Variants in ZNF408 observed in about 807,000 individuals in gnomAD.
The protein encoded by ZNF408 is zinc finger protein 408.
A neutral mutation model predicts 27.6 loss-of-function variants in ZNF408; 24 were observed. The observed-to-expected ratio is 0.87, with a 90% CI of 0.63 to 1.22. The LOEUF (loss-of-function observed/expected upper bound fraction) is 1.22. Among genes scored for constraint, ZNF408 ranks in the 50% most tolerant of loss-of-function variants. The probability of loss-of-function intolerance (pLI) is 0.00; values close to 1 mark genes in which losing one functional copy is unlikely to be tolerated. For synonymous variants in ZNF408, 410 were observed against 396.1 expected, an observed-to-expected ratio of 1.04 and a Z score of -0.42; for missense variants, 897 against 949.0, an observed-to-expected ratio of 0.95 and a Z score of 0.72.
chr11:46,701,045 G>T lies in ZNF408; in HGVS notation c.-3G>T. On this transcript the variant is annotated 5_prime_UTR_variant, in exon 1 of 5. Transcript: ENST00000311764. Reference sequence around the variant, plus strand: ...CCGGCGTAGGGAGGCTTTCTGACCCGGAATGGAGGAGGCGGAGGAGCTGCT... The same window carrying T: ...CCGGCGTAGGGAGGCTTTCTGACCCTGAATGGAGGAGGCGGAGGAGCTGCT... The T allele has an allele frequency of 6.2e-7, 1 of 1,614,130 alleles. No homozygotes were observed. Among genetic ancestry groups the T allele is most frequent in the Non-Finnish European group, 8.5e-7 (1 of 1,179,992 alleles).
At chr11:46,703,348 A>G in intron 4 of ZNF408, 105 bp downstream of exon 4, 1 of 1,388,520 alleles carries the variant, frequency 7.2e-7, no homozygotes, top group Admixed American at 2.6e-5. Flanking sequence ...GAAGGACACT[A>G]TAGAGTCTTA....
In ZNF408 at chr11:46,704,366, G is replaced by A; in HGVS notation, c.666G>A (p.Gln222=). The change falls in exon 5 of 5, where the codon CAG becomes CAA. Residue 222 remains glutamine (Q), a synonymous_variant. Coordinates refer to ENST00000311764, the MANE Select transcript of ZNF408 (RefSeq NM_024741.3). ...AAEPCIDPGS[Q]SPSGIQAENM... is the part of the protein sequence containing the mutation. ...CTTGCCTTGCAGATCCTGGTTCCCA[G>A]TCACCCTCTGGCATCCAGGCAGAGA... is the stretch of plus-strand genomic sequence containing the variant. The A allele has an allele frequency of 6.3e-7, 1 of 1,592,422 alleles. No homozygotes were observed. Among genetic ancestry groups the A allele is most frequent in the Non-Finnish European group, 8.6e-7 (1 of 1,167,758 alleles).
intron 2 of ZNF408, chr11:46,702,023 G>C (rs2064712972): frequency 4.7e-6 from 1 of 211,372 alleles, no homozygotes; most frequent in Admixed American, 5.5e-5. Context: ...TGGCTCTCTT[G>C]GGATTATATG....
Position 46,705,672 on chromosome 11 carries a change from C to A in ZNF408, c.1972C>A (p.Leu658Met). ...GGTGCTCCTGCAGGCTGAGCCACAA[C>A]TGCTGGACACACACAGAGAGGAGGA... The part of the protein sequence containing the change: ...TVVLLQAEPQ[L>M]LDTHREEEVS... The change falls in exon 5 of 5, where the codon CTG becomes ATG. Residue 658 changes from leucine (L) to methionine (M), a missense_variant. By Grantham distance (15) the Leu-to-Met change is conservative. Coordinates refer to ENST00000311764, the MANE Select transcript of ZNF408 (RefSeq NM_024741.3). This position sits in a 1 kb window ranked among gnomAD's most constrained non-coding sequence, Gnocchi z 6.5. 1 of 1,613,850 alleles carries A rather than the reference C, an allele frequency of 6.2e-7. No individual in the cohort carries two copies. Among genetic ancestry groups the A allele is most frequent in the Admixed American group, 1.7e-5 (1 of 60,010 alleles).
rs1367731229 is a variant in ZNF408 at position 46,701,608 on chromosome 11, TG to T, written c.267del (p.Pro90ArgfsTer15). The T allele has an allele frequency of 1.2e-6, 2 of 1,608,950 alleles. No individual in the cohort carries two copies. Among genetic ancestry groups the T allele is most frequent in the Admixed American group, 1.7e-5 (1 of 59,822 alleles). On this transcript the variant is annotated frameshift_variant, in exon 2 of 5. Coordinates refer to ENST00000311764, the MANE Select transcript of ZNF408 (RefSeq NM_024741.3). LOFTEE classifies it high-confidence loss of function. ...VGDPLQPGLLWGPLEEESASK... is the reference protein window; with the variant it reads ...VGDPLQPGLLXGPLEEESASK... ...GGACCCCCTGCAGCCCGGCCTGCTG[TG>T]GGGGCCGCTGGAAGAGGAGTCTGCC...
rs2064745699 is a variant in ZNF408 at position 46,705,533 on chromosome 11, C to T, written c.1833C>T (p.Thr611=). 1 of 1,604,786 alleles carries T rather than the reference C, an allele frequency of 6.2e-7. No homozygotes were observed. The highest frequency in any genetic ancestry group is 1.3e-5 in the African/African-American group (1 of 74,952). Residue 611 remains threonine, a synonymous_variant, in exon 5 of 5, where the codon ACC becomes ACT. Transcript: ENST00000311764. The surrounding 1 kb of genome is among the most constrained non-coding windows in gnomAD (Gnocchi z 6.5). ...AGGACAAGCCCTACCGCTGCCCCAC[C>T]TGTGGCATGGGCTACACCCTCCCGC... ...HLEDKPYRCP[T]CGMGYTLPQS... is the part of the protein sequence containing the mutation.
Position 46,705,348 on chromosome 11 carries a change from GC to G in ZNF408, c.1651del (p.His551ThrfsTer150). 1 of 1,609,818 alleles carries G rather than the reference GC, an allele frequency of 6.2e-7. No individual in the cohort carries two copies. Among genetic ancestry groups the G allele is most frequent in the African/African-American group, 1.3e-5 (1 of 74,760 alleles). On this transcript the variant is annotated frameshift_variant, in exon 5 of 5. Transcript: ENST00000311764. LOFTEE classifies it low-confidence loss of function (END_TRUNC). This position sits in a 1 kb window ranked among gnomAD's most constrained non-coding sequence, Gnocchi z 6.5. ...CCATCTCATCTCACACACCGGGGAG[GC>G]CCACTTGTGCCCGGTGTGTGGCAAG... ...RRHLISHTGE[A>X]HLCPVCGKAL... is the part of the protein sequence containing the mutation.
chr11:46,701,978 C>T lies in ZNF408; in HGVS notation c.330+302C>T, dbSNP rs146336006. ...CTTTGTCACCTAGCTGGTTAAATTA[C>T]GTGCCGCATTTAATTCATCTGTGAA... On this transcript the variant is annotated intron_variant, in intron 2 of 4. Coordinates refer to ENST00000311764, the MANE Select transcript of ZNF408 (RefSeq NM_024741.3). 23 of 283,664 alleles carry T rather than the reference C, an allele frequency of 8.1e-5. 1 individual carries two copies. In the East Asian group the frequency reaches 1.4e-3, roughly 18 times the overall value. The allele number at this position is 283,664 out of a possible 1,614,324, so 17.6% of individuals were successfully genotyped here.
chr11:46,704,694 T>G lies in ZNF408; in HGVS notation c.994T>G (p.Phe332Val), dbSNP rs1277199267. ...TPEPGAQQSG[F>V]PTLSRSPPGP... ...AGAGCCTGGAGCCCAGCAGTCTGGC[T>G]TCCCTACACTCTCGCGGAGCCCTCC... The change falls in exon 5 of 5, where the codon TTC becomes GTC. Residue 332 changes from phenylalanine to valine, a missense_variant. Phe to Val is a conservative substitution (Grantham distance 50). Transcript: ENST00000311764. The G allele has an allele frequency of 1.2e-6, 2 of 1,612,154 alleles. No homozygotes were observed. Among genetic ancestry groups the G allele is most frequent in the Non-Finnish European group, 1.7e-6 (2 of 1,179,188 alleles).
In ZNF408 at chr11:46,704,586, G is replaced by A. The variant is rs1053683092; in HGVS notation, c.886G>A (p.Ala296Thr). ...DGSGASFSSS[A>T]RGTQPHGYLA... ...CAGTGGAGCCAGTTTCTCATCTTCT[G>A]CCAGGGGCACCCAGCCGCATGGCTA... is the stretch of plus-strand genomic sequence containing the variant. The change falls in exon 5 of 5, where the codon GCC becomes ACC. Residue 296 changes from alanine (A) to threonine (T), a missense_variant. By Grantham distance (58) the Ala-to-Thr change is moderately conservative. Coordinates refer to ENST00000311764, the MANE Select transcript of ZNF408 (RefSeq NM_024741.3). 22 of 1,613,606 alleles carry A rather than the reference G, an allele frequency of 1.4e-5. No individual in the cohort carries two copies. In the African/African-American group the frequency reaches 2.4e-4, roughly 18 times the overall value.
At position 46,702,782 on chromosome 11, in the gene ZNF408, T is replaced by A; in HGVS notation, c.392+17T>A. On this transcript the variant is annotated intron_variant, in intron 3 of 4. Coordinates refer to ENST00000311764, the MANE Select transcript of ZNF408 (RefSeq NM_024741.3). Reference sequence around the variant, plus strand: ...CTGGACTAGGTAAGTCAGAGGAGAGTGTGTCGTTCCTTTGAGGTTTTCTGT... The same window carrying A: ...CTGGACTAGGTAAGTCAGAGGAGAGAGTGTCGTTCCTTTGAGGTTTTCTGT... 6.2e-7 allele frequency: 1 copy of A among 1,613,108 alleles called. No individual in the cohort carries two copies. The highest frequency in any genetic ancestry group is 8.5e-7 in the Non-Finnish European group (1 of 1,179,554).
rs2064748387 is a variant in ZNF408, at chr11:46,705,790, G to A, written c.2090G>A (p.Ser697Asn). 1 of 1,611,492 alleles carries A rather than the reference G, an allele frequency of 6.2e-7. No individual in the cohort carries two copies. Among genetic ancestry groups the A allele is most frequent in the Non-Finnish European group, 8.5e-7 (1 of 1,178,974 alleles). ...VVPEEPDAAPSLVLIHKDMGL... is the reference protein window; with the variant it reads ...VVPEEPDAAPNLVLIHKDMGL... ...CCAGAGGAGCCAGATGCCGCCCCCA[G>A]CCTGGTGCTAATCCATAAGGACATG... The change falls in exon 5 of 5, where the codon AGC becomes AAC. Residue 697 changes from serine (S) to asparagine (N), a missense_variant. Coordinates refer to ENST00000311764, the MANE Select transcript of ZNF408 (RefSeq NM_024741.3). The surrounding 1 kb of genome is among the most constrained non-coding windows in gnomAD (Gnocchi z 6.5).
Position 46,701,086 on chromosome 11 carries a change from G to A in ZNF408, c.39G>A (p.Lys13=). 6.2e-7 allele frequency: 1 copy of A among 1,614,170 alleles called. No individual in the cohort carries two copies. Among genetic ancestry groups the A allele is most frequent in the African/African-American group, 1.3e-5 (1 of 75,046 alleles). The change falls in exon 1 of 5, where the codon AAG becomes AAA. Residue 13 remains lysine (K), a synonymous_variant. Transcript: ENST00000311764. ...AGGAGCTGCTCTTGGAGGGGAAGAA[G>A]GCGCTGCAACTCGGTGAGTGACCTG... ...EAEELLLEGK[K]ALQLAREPRL... is the part of the protein sequence containing the mutation.
rs534022710 is a variant in ZNF408 at position 46,704,754 on chromosome 11, C to T, written c.1054C>T (p.Arg352Trp). The T allele has an allele frequency of 1.3e-5, 20 of 1,595,490 alleles. No homozygotes were observed. The highest frequency in any genetic ancestry group is 1.1e-4 in the Admixed American group (6 of 57,038). The stretch of plus-strand genomic sequence containing the variant: ...AGGAAGCTCCCCAAAGCAGGGGCGA[C>T]GGTACCGGTGTGGAGAGTGTGGCAA... ...PAGSSPKQGRRYRCGECGKAF... is the reference protein window; with the variant it reads ...PAGSSPKQGRWYRCGECGKAF... Residue 352 changes from arginine (R) to tryptophan (W), a missense_variant, in exon 5 of 5, where the codon CGG becomes TGG. Physicochemically the swap from Arg to Trp is moderately radical, Grantham distance 101. Coordinates refer to ENST00000311764, the MANE Select transcript of ZNF408 (RefSeq NM_024741.3).
intron 4 of ZNF408, among the ~76,000 whole-genome samples, chr11:46,703,521 A>G (rs1460932787): frequency 1.3e-5 from 2 of 152,192 alleles, no homozygotes; most frequent in African/African-American, 2.4e-5. Context: ...ATGAATTGTC[A>G]TTCATTGCTT....
At position 46,705,546 on chromosome 11, in the gene ZNF408, T is replaced by C. The variant is rs989901119; in HGVS notation, c.1846T>C (p.Tyr616His). ...CCGCTGCCCCACCTGTGGCATGGGC[T>C]ACACCCTCCCGCAGAGCCTCAGGCG... The part of the protein sequence containing the change: ...PYRCPTCGMG[Y>H]TLPQSLRRHQ... Residue 616 changes from tyrosine to histidine, a missense_variant, in exon 5 of 5, where the codon TAC (tyrosine) becomes CAC (histidine). By Grantham distance (83) the Tyr-to-His change is moderately conservative (BLOSUM62 2). Coordinates refer to ENST00000311764, the MANE Select transcript of ZNF408 (RefSeq NM_024741.3). The surrounding 1 kb of genome is among the most constrained non-coding windows in gnomAD (Gnocchi z 6.5). 3 of 1,605,136 alleles carry C rather than the reference T, an allele frequency of 1.9e-6. 1 individual carries two copies. The highest frequency in any genetic ancestry group is 2.2e-5 in the South Asian group (2 of 91,080).
At position 46,702,857 on chromosome 11, in the gene ZNF408, T is replaced by G. The variant is rs370830401; in HGVS notation, c.392+92T>G. ...CTGACTGTCATTTCCTATTCAGTGC[T>G]CTTTTGCAGTGAATGTTCCAAAGGC... On this transcript the variant is annotated intron_variant, in intron 3 of 4. Transcript: ENST00000311764. The G allele has an allele frequency of 5.0e-6, 8 of 1,591,346 alleles. No homozygotes were observed. In the African/African-American group the frequency reaches 8.1e-5, roughly 16 times the overall value.
At chr11:46,704,071 A>G (rs746809759) in intron 4 of ZNF408, among the ~76,000 whole-genome samples, 2 of 152,060 alleles carry the variant, frequency 1.3e-5, no homozygotes, top group Admixed American at 6.5e-5. Context: ...ATGTGTCTCC[A>G]GGGGCGAACA....
At position 46,703,743 on chromosome 11, in the gene ZNF408, TTTGTTG is replaced by T. The variant is rs768457772; in HGVS notation, c.652+524_652+529del. ...AAGGGGTTTTTTTGTTTTGTTTTGT[TTTGTTG>T]TTGTTGTTGTTGTTGTTGTTGTTTT... On this transcript the variant is annotated intron_variant, in intron 4 of 4. Transcript: ENST00000311764. Among the ~76,000 whole-genome samples the T allele has an allele frequency of 4.1e-3, 495 of 119,862 alleles. 63 individuals are homozygous for T. The highest frequency in any genetic ancestry group is 5.9e-3 in the South Asian group (22 of 3,742). 78.6% of individuals were successfully genotyped at this position (119,862 alleles called of 152,430 possible).
Sources: allele counts gnomAD v4.1 joint callset (sites outside exome capture counted in the v4.1 genomes callset), GRCh38; gene constraint gnomAD v4.1.1; non-coding constraint Gnocchi (gnomAD v3.1); transcripts MANE v1.5; gene names NCBI Gene and HGNC (gene_info 2026-07-23, HGNC 2026-07-21).